CCR5AS: variants seen among roughly 807,000 people sequenced by gnomAD.
The protein encoded by CCR5AS is CCR5 antisense RNA.
chr3:46,373,379 G>C (rs55639502), intron 2 of CCR5AS: 3 of 1,612,290 alleles, frequency 1.9e-6, no homozygotes, highest in Non-Finnish European at 2.5e-6. Flanking sequence ...CTGTGTTTGC[G>C]TCTCTCCCAG....
intron 2 of CCR5AS, among the ~76,000 whole-genome samples, chr3:46,379,989 CA>C (rs764303001): frequency 2.0e-5 from 3 of 152,114 alleles, no homozygotes; most frequent in Admixed American, 6.5e-5. Context: ...TTTGAAAAGG[CA>C]GGGGAGGAAG....
intron 3 of CCR5AS, among the ~76,000 whole-genome samples, chr3:46,367,914 TA>T (rs1258616496): frequency 2.6e-5 from 4 of 152,216 alleles, no homozygotes; most frequent in African/African-American, 9.6e-5. Flanking sequence ...TTGCTCTTTT[TA>T]CAGCCCGTCT....
chr3:46,397,994 G>A (rs1030265824), intron 1 of CCR5AS, among the ~76,000 whole-genome samples: 20 of 152,202 alleles, frequency 1.3e-4, no homozygotes, highest in African/African-American at 4.8e-4. Flanking sequence ...TGAAGCCTAT[G>A]GGGTATGTGG....
intron 1 of CCR5AS, among the ~76,000 whole-genome samples, chr3:46,406,649 G>A (rs751221964): frequency 3.9e-5 from 6 of 152,016 alleles, no homozygotes; most frequent in Non-Finnish European, 8.8e-5. Flanking sequence ...TTTCCGAGTG[G>A]GGTCAGCTCC....
intron 2 of CCR5AS, chr3:46,373,616 C>T: frequency 5.6e-6 from 9 of 1,614,102 alleles, no homozygotes; most frequent in African/African-American, 1.3e-5. Context: ...GGCTTATCTT[C>T]ACCATCATGA....
intron 2 of CCR5AS, among the ~76,000 whole-genome samples, chr3:46,388,259 G>A (rs1019326233): frequency 6.6e-6 from 1 of 151,358 alleles, no homozygotes; most frequent in Admixed American, 6.6e-5. Flanking sequence ...AGGATTAGGG[G>A]TGACACAGGA....
downstream of CCR5AS, among the ~76,000 whole-genome samples, chr3:46,364,053 A>G (rs1325336842): frequency 6.6e-6 from 1 of 152,288 alleles, no homozygotes; most frequent in Non-Finnish European, 1.5e-5. Flanking sequence ...CAGCAAGTGC[A>G]AAGGGAGAAG....
At chr3:46,406,105 G>T (rs1248876470) in intron 1 of CCR5AS, among the ~76,000 whole-genome samples, 2 of 152,016 alleles carry the variant, frequency 1.3e-5, no homozygotes, top group East Asian at 3.9e-4. Context: ...CAAACTCCTG[G>T]GCTCAAGCGA....
At chr3:46,402,132 A>G (rs1702010370) in intron 1 of CCR5AS, among the ~76,000 whole-genome samples, 1 of 152,182 alleles carries the variant, frequency 6.6e-6, no homozygotes, top group African/African-American at 2.4e-5. Context: ...TAAACTCAAC[A>G]TGCATTGAGA....
At chr3:46,364,496 C>G (rs1274315905) in exon 4 of CCR5AS, among the ~76,000 whole-genome samples, 1 of 152,192 alleles carries the variant, frequency 6.6e-6, no homozygotes. Flanking sequence ...CCATGTCGAT[C>G]AAGAGCTGTG....
intron 2 of CCR5AS, chr3:46,373,733 A>T (rs767935035): frequency 5.5e-5 from 88 of 1,613,918 alleles, no homozygotes; most frequent in Non-Finnish European, 5.6e-5. Flanking sequence ...GGTTGGACCA[A>T]GCTATGCAGG....
At chr3:46,372,778 G>A in intron 2 of CCR5AS, 2 of 696,524 alleles carry the variant, frequency 2.9e-6, no homozygotes, top group Non-Finnish European at 4.7e-6. Context: ...ATTCAATGTA[G>A]ACATCTATGT....
chr3:46,371,822 C>T (rs1339166204), intron 2 of CCR5AS, among the ~76,000 whole-genome samples: 2 of 152,206 alleles, frequency 1.3e-5, no homozygotes, highest in African/African-American at 4.8e-5. Flanking sequence ...TTACAATTGG[C>T]TGTTGTCATC....
chr3:46,379,143 G>T (rs1701790276), intron 2 of CCR5AS, among the ~76,000 whole-genome samples: 1 of 149,590 alleles, frequency 6.7e-6, no homozygotes, highest in Admixed American at 6.6e-5. Flanking sequence ...CTAGCATTAG[G>T]TATATCTCCC....
chr3:46,366,348 T>A (rs944831697), intron 3 of CCR5AS, among the ~76,000 whole-genome samples: 3 of 152,220 alleles, frequency 2.0e-5, no homozygotes, highest in African/African-American at 7.2e-5. Flanking sequence ...GCTCCAGGTA[T>A]GATCTGACTC....
At chr3:46,397,464 T>C (rs150417872) in intron 1 of CCR5AS, among the ~76,000 whole-genome samples, 131 of 152,272 alleles carry the variant, frequency 8.6e-4, no homozygotes, top group Non-Finnish European at 1.5e-3. Flanking sequence ...GGACAAGGTA[T>C]AGGGAGGCCA....
At chr3:46,367,104 T>C (rs1235045084) in intron 3 of CCR5AS, among the ~76,000 whole-genome samples, 1 of 152,204 alleles carries the variant, frequency 6.6e-6, no homozygotes, top group East Asian at 1.9e-4. Flanking sequence ...AATCCATTTA[T>C]AGAAGTTAAA....
chr3:46,402,610 A>T (rs1211956557), intron 1 of CCR5AS, among the ~76,000 whole-genome samples: 1 of 152,246 alleles, frequency 6.6e-6, no homozygotes, highest in Admixed American at 6.5e-5. Flanking sequence ...TTGATAATCT[A>T]AGAAAGATTA....
intron 2 of CCR5AS, among the ~76,000 whole-genome samples, chr3:46,388,025 T>A (rs1409037115): frequency 2.6e-5 from 4 of 152,176 alleles, no homozygotes; most frequent in Non-Finnish European, 5.9e-5. Context: ...AACTGGGTAT[T>A]TTCACTTCTT....
Sources: gnomAD v4.1 joint callset for allele counts (sites outside exome capture counted in the v4.1 genomes callset) on GRCh38, gnomAD v4.1.1 for gene constraint, MANE v1.5 for transcripts, NCBI Gene and HGNC (gene_info 2026-07-23, HGNC 2026-07-21) for gene names.